GALNT18: variants seen among roughly 807,000 people sequenced by gnomAD.
GALNT18 encodes the protein polypeptide N-acetylgalactosaminyltransferase 18.
Under a neutral mutation model 69.5 loss-of-function variants are expected in GALNT18, and 44 were observed. The ratio of observed to expected loss-of-function variants is 0.63; its 90% CI spans 0.50 to 0.81. The LOEUF (loss-of-function observed/expected upper bound fraction) is 0.81. Ranked by LOEUF, GALNT18 falls within the 40% of genes least tolerant of loss-of-function variation. GALNT18 has a pLI of 0.00. For missense variants in GALNT18, 715 were observed against 810.0 expected, an observed-to-expected ratio of 0.88 and a Z score of 1.42; for synonymous variants, 364 against 318.2, an observed-to-expected ratio of 1.14 and a Z score of -1.53.
intron 9 of GALNT18, among the ~76,000 whole-genome samples, chr11:11,298,256 G>A (rs921922704): frequency 2.6e-5 from 4 of 152,252 alleles, no homozygotes; most frequent in African/African-American, 2.4e-5. Context: ...AGGAAGGGAA[G>A]GAAGAGAAGA....
At chr11:11,286,578 T>G (rs1849199311) in intron 10 of GALNT18, among the ~76,000 whole-genome samples, 1 of 152,176 alleles carries the variant, frequency 6.6e-6, no homozygotes, top group South Asian at 2.1e-4. Context: ...CCCACAAACC[T>G]AGCTCAAGAC....
In GALNT18 at chr11:11,470,477, C is replaced by A. The variant is rs1325766887; in HGVS notation, c.236-21541G>T. ...CAGTGTGTGAGGAAGGCGCTATCCT[C>A]CACGCAGTCGGCTAGGCAAGTGAGC... On this transcript the variant is annotated intron_variant, in intron 1 of 10. Coordinates refer to ENST00000227756, the MANE Select transcript of GALNT18 (RefSeq NM_198516.3). The surrounding 1 kb of genome is among the most constrained non-coding windows in gnomAD (Gnocchi z 4.8). Among the ~76,000 whole-genome samples, 3 of 152,212 alleles carry A rather than the reference C, an allele frequency of 2.0e-5. No homozygotes were observed. Among genetic ancestry groups the A allele is most frequent in the Non-Finnish European group, 4.4e-5 (3 of 68,038 alleles).
At chr11:11,446,205 C>T (rs1425430645) in intron 2 of GALNT18, among the ~76,000 whole-genome samples, 1 of 152,208 alleles carries the variant, frequency 6.6e-6, no homozygotes, top group Non-Finnish European at 1.5e-5. Flanking sequence ...CATTGCCTGG[C>T]GTACCTTCAC....
chr11:11,474,303 G>A (rs1024007412), intron 1 of GALNT18, among the ~76,000 whole-genome samples: 19 of 152,110 alleles, frequency 1.2e-4, no homozygotes, highest in Admixed American at 3.9e-4. Context: ...AAAGACTTGT[G>A]GCCAGAAAGA....
Position 11,454,425 on chromosome 11 carries a change from A to G in GALNT18, c.236-5489T>C, listed in dbSNP as rs538897481. On this transcript the variant is annotated intron_variant, in intron 1 of 10. Coordinates refer to ENST00000227756, the MANE Select transcript of GALNT18 (RefSeq NM_198516.3). This position sits in a 1 kb window ranked among gnomAD's most constrained non-coding sequence, Gnocchi z 4.2. ...CCAAGTATCCAGAATAGGACTGTGC[A>G]TGGAGTAATTACCCCCAAAATATAG... 4.6e-5 allele frequency among the ~76,000 whole-genome samples: 7 copies of G among 152,298 alleles called. No individual in the cohort carries two copies. Among genetic ancestry groups the G allele is most frequent in the Non-Finnish European group, 8.8e-5 (6 of 68,020 alleles).
At chr11:11,418,054 T>C (rs1854906376) in intron 3 of GALNT18, among the ~76,000 whole-genome samples, 1 of 152,342 alleles carries the variant, frequency 6.6e-6, no homozygotes, top group East Asian at 1.9e-4. Flanking sequence ...ATGATAGAAC[T>C]ACTAAATGGC....
chr11:11,271,273 G>A lies in GALNT18; in HGVS notation c.1695C>T (p.Asn565=), dbSNP rs905174410. The change falls in exon 11 of 11, where the codon AAC becomes AAT. Residue 565 remains asparagine, a synonymous_variant. Coordinates refer to ENST00000227756, the MANE Select transcript of GALNT18 (RefSeq NM_198516.3). ...GCTCCAGACAGCGCTTAGACTTGCG[G>A]TTCTGGATGGGTCCTCCCTAGGGGC... ...WQFSQGGPIQ[N]RKSKRCLELQ... is the part of the protein sequence containing the mutation. 6.2e-7 allele frequency: 1 copy of A among 1,614,078 alleles called. No homozygotes were observed. The highest frequency in any genetic ancestry group is 1.1e-5 in the South Asian group (1 of 91,074).
intron 3 of GALNT18, among the ~76,000 whole-genome samples, chr11:11,379,541 C>A (rs1467491847): frequency 6.6e-6 from 1 of 152,240 alleles, no homozygotes; most frequent in Non-Finnish European, 1.5e-5. Context: ...ATCTTCACAA[C>A]AAGCCAATAG....
intron 1 of GALNT18, among the ~76,000 whole-genome samples, chr11:11,471,962 G>A (rs1441933449): frequency 1.3e-5 from 2 of 152,228 alleles, no homozygotes; most frequent in African/African-American, 2.4e-5. Flanking sequence ...GAGAGTGATG[G>A]GGACATGGCT....
chr11:11,517,246 C>T (rs1206502019), intron 1 of GALNT18, among the ~76,000 whole-genome samples: 1 of 152,206 alleles, frequency 6.6e-6, no homozygotes, highest in Non-Finnish European at 1.5e-5. Flanking sequence ...CTAAGATACC[C>T]AGATAAGGTC....
At chr11:11,304,068 A>ACTT (rs1651646004) in intron 9 of GALNT18, among the ~76,000 whole-genome samples, 1 of 152,188 alleles carries the variant, frequency 6.6e-6, no homozygotes, top group Non-Finnish European at 1.5e-5. Flanking sequence ...AGCCAAGTAG[A>ACTT]CTTCTCCCAG....
At position 11,538,916 on chromosome 11, in the gene GALNT18, G is replaced by C. The variant is rs1857845044; in HGVS notation, c.235+82443C>G. ...CCCAGTAAAAGATGCTTTGTCAACAGAGGTGCCCCCCAGATCCCTGGGTGC... is the reference window on the plus strand; with the variant it reads ...CCCAGTAAAAGATGCTTTGTCAACACAGGTGCCCCCCAGATCCCTGGGTGC... On this transcript the variant is annotated intron_variant, in intron 1 of 10. Transcript: ENST00000227756. This position sits in a 1 kb window ranked among gnomAD's most constrained non-coding sequence, Gnocchi z 5.2. 6.6e-6 allele frequency among the ~76,000 whole-genome samples: 1 copy of C among 152,166 alleles called. No homozygotes were observed. Among genetic ancestry groups the C allele is most frequent in the East Asian group, 1.9e-4 (1 of 5,166 alleles).
Position 11,340,727 on chromosome 11 carries a change from C to T in GALNT18, c.1278+92G>A. On this transcript the variant is annotated intron_variant, in intron 7 of 10. Transcript: ENST00000227756. This position sits in a 1 kb window ranked among gnomAD's most constrained non-coding sequence, Gnocchi z 4.2. Reference sequence around the variant, plus strand: ...TCTTGCATGGCAAACAGGACTCTGGCTGACCCATAGGAAGAAGGGTTCGGT... The same window carrying T: ...TCTTGCATGGCAAACAGGACTCTGGTTGACCCATAGGAAGAAGGGTTCGGT... 8.1e-7 allele frequency: 1 copy of T among 1,238,498 alleles called. No homozygotes were observed. Among genetic ancestry groups the T allele is most frequent in the Non-Finnish European group, 1.1e-6 (1 of 887,504 alleles). 76.7% of individuals were successfully genotyped at this position (1,238,498 alleles called of 1,614,324 possible).
At chr11:11,431,157 C>G (rs1174114101) in intron 3 of GALNT18, among the ~76,000 whole-genome samples, 1 of 152,186 alleles carries the variant, frequency 6.6e-6, no homozygotes, top group Non-Finnish European at 1.5e-5. Context: ...GTGCTCCATA[C>G]TCTTCTCTCT....
chr11:11,552,216 A>G (rs189449359), intron 1 of GALNT18, among the ~76,000 whole-genome samples: 126 of 152,330 alleles, frequency 8.3e-4, no homozygotes, highest in Middle Eastern at 3.4e-3. Flanking sequence ...TTTCCAGGCA[A>G]TGAGCCATGC....
In GALNT18 at chr11:11,620,240, C is replaced by T. The variant is rs1860154780; in HGVS notation, c.235+1119G>A. Reference sequence around the variant, plus strand: ...CTGCTAGGTTTACAGGGGAACCAAGCTCGGCCCTGCCCTTAAGAAGCTCAC... The same window carrying T: ...CTGCTAGGTTTACAGGGGAACCAAGTTCGGCCCTGCCCTTAAGAAGCTCAC... On this transcript the variant is annotated intron_variant, in intron 1 of 10. Transcript: ENST00000227756. The surrounding 1 kb of genome is among the most constrained non-coding windows in gnomAD (Gnocchi z 6.9). 6.6e-6 allele frequency among the ~76,000 whole-genome samples: 1 copy of T among 152,138 alleles called. No individual in the cohort carries two copies. The highest frequency in any genetic ancestry group is 2.4e-5 in the African/African-American group (1 of 41,446).
At chr11:11,308,433 C>T (rs1849614947) in intron 9 of GALNT18, among the ~76,000 whole-genome samples, 2 of 152,088 alleles carry the variant, frequency 1.3e-5, no homozygotes, top group Admixed American at 6.5e-5. Flanking sequence ...CCCAGTTGAC[C>T]TTCCCTTCCT....
intron 3 of GALNT18, among the ~76,000 whole-genome samples, chr11:11,407,241 G>T (rs1286347435): frequency 6.6e-6 from 1 of 152,230 alleles, no homozygotes; most frequent in Non-Finnish European, 1.5e-5. Context: ...GGTTTTAAAG[G>T]TTGGCGTGTC....
intron 1 of GALNT18, among the ~76,000 whole-genome samples, chr11:11,504,092 G>A (rs931951684): frequency 2.0e-5 from 3 of 152,234 alleles, no homozygotes; most frequent in African/African-American, 7.2e-5. Flanking sequence ...ATATCATGAA[G>A]TTCTGCCTTT....
Sources: allele counts gnomAD v4.1 joint callset (sites outside exome capture counted in the v4.1 genomes callset), GRCh38; gene constraint gnomAD v4.1.1; non-coding constraint Gnocchi (gnomAD v3.1); transcripts MANE v1.5; gene names NCBI Gene and HGNC (gene_info 2026-07-23, HGNC 2026-07-21).